Variants in RSU1 observed in about 807,000 individuals in gnomAD.
RSU1 encodes the protein Ras suppressor protein 1, also known as rsu-1.
Under a neutral mutation model 31.1 loss-of-function variants are expected in RSU1, and 26 were observed. That is an observed-to-expected ratio of 0.84 (90% confidence interval 0.61 to 1.16). The LOEUF is 1.16. RSU1 is among the 50% of genes most tolerant of loss of function. RSU1 has a pLI of 0.00. For missense variants in RSU1, 320 were observed against 339.1 expected, an observed-to-expected ratio of 0.94 and a Z score of 0.44; for synonymous variants, 164 against 136.3, an observed-to-expected ratio of 1.20 and a Z score of -1.41.
chr10:16,608,667 C>T (rs766122000), intron 8 of RSU1, among the ~76,000 whole-genome samples: 2 of 151,898 alleles, frequency 1.3e-5, no homozygotes, highest in Non-Finnish European at 2.9e-5. Context: ...ATAATGGAGA[C>T]GGCATCTCCG....
At chr10:16,701,460 C>A (rs920150705) in intron 7 of RSU1, among the ~76,000 whole-genome samples, 4 of 152,206 alleles carry the variant, frequency 2.6e-5, no homozygotes, top group Non-Finnish European at 4.4e-5. Flanking sequence ...CAAGGCCACA[C>A]TGTCATTCCG....
chr10:16,717,026 C>T (rs1344663335), intron 7 of RSU1, among the ~76,000 whole-genome samples: 1 of 152,136 alleles, frequency 6.6e-6, no homozygotes, highest in Admixed American at 6.5e-5. Context: ...TATTACTAGA[C>T]ACTTGCTCAT....
intron 8 of RSU1, among the ~76,000 whole-genome samples, chr10:16,694,282 A>T (rs528189455): frequency 6.6e-6 from 1 of 152,308 alleles, no homozygotes; most frequent in South Asian, 2.1e-4. Flanking sequence ...CTAAGAGATT[A>T]TCATCTCACT....
intron 2 of RSU1, among the ~76,000 whole-genome samples, chr10:16,791,224 A>C (rs1377473713): frequency 6.6e-6 from 1 of 152,072 alleles, no homozygotes; most frequent in African/African-American, 2.4e-5. Context: ...ACAGGGTTTC[A>C]CCATGTTGGC....
At position 16,781,659 on chromosome 10, in the gene RSU1, A is replaced by AT. The variant is rs112244441; in HGVS notation, c.160+374dup. Among the ~76,000 whole-genome samples, 5 of 152,022 alleles carry AT rather than the reference A, an allele frequency of 3.3e-5. 1 individual carries two copies. The highest frequency in any genetic ancestry group is 1.2e-4 in the African/African-American group (5 of 41,460). ...GAACCACTTCCAGAGCAACAATGTC[A>AT]TTTTTTTTCTCTTTGGTTTATAAAC... On this transcript the variant is annotated intron_variant, in intron 3 of 8. Coordinates refer to ENST00000345264, the MANE Select transcript of RSU1 (RefSeq NM_012425.4).
At chr10:16,636,242 C>CT (rs1336661445) in intron 8 of RSU1, among the ~76,000 whole-genome samples, 1 of 152,136 alleles carries the variant, frequency 6.6e-6, no homozygotes, top group Non-Finnish European at 1.5e-5. Context: ...GGCAGCTCAC[C>CT]TTTAACTATC....
intron 5 of RSU1, among the ~76,000 whole-genome samples, chr10:16,754,370 G>A (rs1043484576): frequency 6.6e-6 from 1 of 152,168 alleles, no homozygotes; most frequent in African/African-American, 2.4e-5. Context: ...CTTAATGCCT[G>A]TGTACTGGAT....
intron 3 of RSU1, among the ~76,000 whole-genome samples, chr10:16,776,611 C>T (rs1482520170): frequency 1.3e-5 from 2 of 151,910 alleles, no homozygotes; most frequent in African/African-American, 4.8e-5. Flanking sequence ...GGCAAAACTG[C>T]CAATACCTCA....
intron 8 of RSU1, among the ~76,000 whole-genome samples, chr10:16,680,125 G>A (rs1213445647): frequency 6.6e-6 from 1 of 151,952 alleles, no homozygotes; most frequent in African/African-American, 2.4e-5. Context: ...CAAGTGATCT[G>A]CCTGCCCTCG....
chr10:16,680,776 G>A (rs1249495230), intron 8 of RSU1, among the ~76,000 whole-genome samples: 5 of 152,136 alleles, frequency 3.3e-5, no homozygotes, highest in African/African-American at 4.8e-5. Context: ...TCCAATGCTG[G>A]GGATTGCATT....
intron 8 of RSU1, among the ~76,000 whole-genome samples, chr10:16,597,086 T>A (rs1833627982): frequency 6.6e-6 from 1 of 152,110 alleles, no homozygotes; most frequent in South Asian, 2.1e-4. Context: ...AACCTAGCAA[T>A]ACCCGAGTGT....
At chr10:16,749,320 G>T (rs955123264) in intron 7 of RSU1, among the ~76,000 whole-genome samples, 3 of 152,100 alleles carry the variant, frequency 2.0e-5, no homozygotes, top group Non-Finnish European at 4.4e-5. Context: ...TATGTTCTCA[G>T]ACCTGATAAA....
chr10:16,662,650 G>A (rs890108228), intron 8 of RSU1, among the ~76,000 whole-genome samples: 1 of 152,076 alleles, frequency 6.6e-6, no homozygotes, highest in African/African-American at 2.4e-5. Flanking sequence ...TGAAATACAG[G>A]AAAAGAAGAA....
At chr10:16,739,191 T>C (rs969339029) in intron 7 of RSU1, among the ~76,000 whole-genome samples, 1 of 152,192 alleles carries the variant, frequency 6.6e-6, no homozygotes, top group South Asian at 2.1e-4. Flanking sequence ...TGTATCTTCA[T>C]AGTAGAATGA....
rs1212709315 is a variant in RSU1 at position 16,722,848 on chromosome 10, A to G, written c.599-27693T>C. 3.8e-5 allele frequency among the ~76,000 whole-genome samples: 4 copies of G among 104,994 alleles called. 1 individual carries two copies. Among genetic ancestry groups the G allele is most frequent in the African/African-American group, 9.2e-5 (3 of 32,614 alleles). The allele number at this position is 104,994 out of a possible 152,430, so 68.9% of individuals were successfully genotyped here. On this transcript the variant is annotated intron_variant, in intron 7 of 8. Coordinates refer to ENST00000345264, the MANE Select transcript of RSU1 (RefSeq NM_012425.4). ...TATACAGCCACATATATGTATATAT[A>G]CACACATATATACATATATGTATAT... is the stretch of plus-strand genomic sequence containing the variant.
chr10:16,769,600 G>A (rs1201777008), intron 3 of RSU1, among the ~76,000 whole-genome samples: 3 of 152,338 alleles, frequency 2.0e-5, no homozygotes, highest in African/African-American at 4.8e-5. Flanking sequence ...GATTTAGCAG[G>A]TTTAGGGTAA....
chr10:16,730,624 G>T (rs542723695), intron 7 of RSU1, among the ~76,000 whole-genome samples: 17 of 152,312 alleles, frequency 1.1e-4, no homozygotes, highest in South Asian at 4.2e-4. Flanking sequence ...GATTTGGGGG[G>T]TTTTTTGGTG....
chr10:16,682,535 T>TACACACATACACACAC (rs748846847), intron 8 of RSU1, among the ~76,000 whole-genome samples: 1 of 26,480 alleles, frequency 3.8e-5, no homozygotes, highest in African/African-American at 1.5e-4. Flanking sequence ...AAATCATTCA[T>TACACACATACACACAC]ACACACACAC....
intron 3 of RSU1, among the ~76,000 whole-genome samples, chr10:16,770,756 G>C (rs534804098): frequency 1.3e-5 from 2 of 152,244 alleles, no homozygotes. Flanking sequence ...CTCACAGCCA[G>C]GGCCAGGACA....
Sources: gnomAD v4.1 joint callset for allele counts (sites outside exome capture counted in the v4.1 genomes callset) on GRCh38, gnomAD v4.1.1 for gene constraint, MANE v1.5 for transcripts, NCBI Gene and HGNC (gene_info 2026-07-23, HGNC 2026-07-21) for gene names.